CYP2A6: variants seen among roughly 807,000 people sequenced by gnomAD.
CYP2A6 encodes cytochrome P450 family 2 subfamily A member 6.
Under a neutral mutation model 42.3 loss-of-function variants are expected in CYP2A6, and 27 were observed. The ratio of observed to expected loss-of-function variants is 0.64; its 90% CI spans 0.47 to 0.88. The LOEUF (loss-of-function observed/expected upper bound fraction) is 0.88, where lower values mean the gene tolerates loss of function less well. Ranked by LOEUF, CYP2A6 falls within the 40% of genes least tolerant of loss-of-function variation. CYP2A6 has a pLI of 0.00. For missense variants in CYP2A6, 628 were observed against 646.0 expected (o/e 0.97, Z 0.30); for synonymous variants, 238 against 246.3 (o/e 0.97, Z 0.31).
rs138932530 is a variant in CYP2A6 at position 40,845,450 on chromosome 19, G to C, written c.1005C>G (p.Ile335Met). Residue 335 changes from isoleucine (I) to methionine (M), a missense_variant, in exon 7 of 9, where the codon ATC becomes ATG. Transcript: ENST00000301141. ...AKVHEEIDRV[I>M]GKNRQPKFED... Reference sequence around the variant, plus strand: ...CAAACTTGGGCTGCCGGTTCTTGCCGATCACTCTGTCAATCTCCTCATGGA... The same window carrying C: ...CAAACTTGGGCTGCCGGTTCTTGCCCATCACTCTGTCAATCTCCTCATGGA... 6 of 1,611,732 alleles carry C rather than the reference G, an allele frequency of 3.7e-6. No homozygotes were observed. In the South Asian group the frequency reaches 5.5e-5, roughly 15 times the overall value.
At chr19:40,848,007 G>T (rs1465558369) in intron 4 of CYP2A6, among the ~76,000 whole-genome samples, 18 of 151,914 alleles carry the variant, frequency 1.2e-4, no homozygotes, top group East Asian at 6.0e-4. Flanking sequence ...GTTTTGGGGA[G>T]CATCTGTTGA....
chr19:40,849,021 G>GGAGAGA lies in CYP2A6; in HGVS notation c.344-264_344-259dup, dbSNP rs1193510304. ...GAGAGAGAGAGAGAGAAGAGAGAGA[G>GGAGAGA]GAGAGAGAGAGAGAAGAGAGAGAGG... On this transcript the variant is annotated intron_variant, in intron 2 of 8. Coordinates refer to ENST00000301141, the MANE Select transcript of CYP2A6 (RefSeq NM_000762.6). 2.6e-3 allele frequency among the ~76,000 whole-genome samples: 132 copies of GGAGAGA among 50,110 alleles called. 5 individuals carry two copies. Among genetic ancestry groups the GGAGAGA allele is most frequent in the African/African-American group, 0.012 (130 of 11,208 alleles). The allele number at this position is 50,110 out of a possible 152,430, so 32.9% of individuals were successfully genotyped here.
Position 40,845,607 on chromosome 19 carries a change from C to G in CYP2A6, c.974-126G>C. ...TGAGACGGAAGTAGAGCATTCATAA[C>G]AGAACAGACATCAGCCATTCGCATT... On this transcript the variant is annotated intron_variant, in intron 6 of 8. Transcript: ENST00000301141. The G allele has an allele frequency of 2.1e-6, 3 of 1,435,848 alleles. No individual in the cohort carries two copies. The South Asian group carries it at 4.1e-5, about 20-fold the overall frequency. The allele number at this position is 1,435,848 out of a possible 1,614,324, so 88.9% of individuals were successfully genotyped here.
chr19:40,846,747 A>T, intron 5 of CYP2A6, 128 bp downstream of exon 5: 1 of 1,399,910 alleles, frequency 7.1e-7, no homozygotes, highest in Non-Finnish European at 9.5e-7. Context: ...CACGGCACCC[A>T]GCCAATTGTG....
At position 40,845,321 on chromosome 19, in the gene CYP2A6, G is replaced by C. The variant is rs185304177; in HGVS notation, c.1134C>G (p.Thr378=). Residue 378 remains threonine (T), a synonymous_variant, in exon 7 of 9, where the codon ACC becomes ACG. Transcript: ENST00000301141. ...TAGGGAGGAAGAAATCCCGAAACTT[G>C]GTGTCCTTTTTGACTCTGCGGGCCA... ...MSLARRVKKD[T]KFRDFFLPKG... The C allele has an allele frequency of 6.2e-7, 1 of 1,611,584 alleles. No individual in the cohort carries two copies. The highest frequency in any genetic ancestry group is 1.7e-5 in the Admixed American group (1 of 59,966).
chr19:40,850,047 A>T (rs1206385776), intron 1 of CYP2A6, 67 bp from the exon 2 acceptor site: 1 of 1,591,706 alleles, frequency 6.3e-7, no homozygotes, highest in African/African-American at 1.4e-5. Flanking sequence ...CAGCACCGAG[A>T]TGTCATGTGC....
In CYP2A6 at chr19:40,849,983, G is replaced by A. The variant is rs1449600194; in HGVS notation, c.181-3C>T. On this transcript the variant is annotated splice_polypyrimidine_tract_variant and splice_region_variant and intron_variant, in intron 1 of 8. Coordinates refer to ENST00000301141, the MANE Select transcript of CYP2A6 (RefSeq NM_000762.6). ...ACGGGGCCATAGCGCTCACTGATCTGATGGAGGTGGGTGGGAGTGGTTAGA... is the reference window on the plus strand; with the variant it reads ...ACGGGGCCATAGCGCTCACTGATCTAATGGAGGTGGGTGGGAGTGGTTAGA... The A allele has an allele frequency of 1.9e-6, 3 of 1,610,434 alleles. No individual in the cohort carries two copies. Among genetic ancestry groups the A allele is most frequent in the Non-Finnish European group, 8.5e-7 (1 of 1,178,998 alleles).
rs2083450318 is a variant in CYP2A6, at chr19:40,845,295, T to G, written c.1160A>C (p.Lys387Thr). Reference sequence around the variant, plus strand: ...CTGGGGGGTGGGGGCGGATAGCACCTTAGGGAGGAAGAAATCCCGAAACTT... The same window carrying G: ...CTGGGGGGTGGGGGCGGATAGCACCGTAGGGAGGAAGAAATCCCGAAACTT... ...DTKFRDFFLP[K>T]GTEVYPMLGS... Residue 387 changes from lysine to threonine, a missense_variant and splice_region_variant, in exon 7 of 9, where the codon AAG becomes ACG. Coordinates refer to ENST00000301141, the MANE Select transcript of CYP2A6 (RefSeq NM_000762.6). 4 of 1,611,518 alleles carry G rather than the reference T, an allele frequency of 2.5e-6. No homozygotes were observed. Among genetic ancestry groups the G allele is most frequent in the South Asian group, 2.2e-5 (2 of 90,892 alleles).
At chr19:40,848,862 G>T in intron 2 of CYP2A6, 99 bp from the exon 3 acceptor site, 1 of 1,440,488 alleles carries the variant, frequency 6.9e-7, no homozygotes, top group Non-Finnish European at 9.4e-7. Flanking sequence ...GAGAGAGGGA[G>T]TAGGGTGGGA....
At chr19:40,850,170 G>C in intron 1 of CYP2A6, 77 bp downstream of exon 1, 1 of 1,565,614 alleles carries the variant, frequency 6.4e-7, no homozygotes, top group Non-Finnish European at 8.7e-7. Context: ...GTCCACACTG[G>C]TCAACCCCCT....
intron 1 of CYP2A6, 80 bp downstream of exon 1, chr19:40,850,167 C>T: frequency 6.4e-7 from 1 of 1,561,084 alleles, no homozygotes; most frequent in Non-Finnish European, 8.7e-7. Flanking sequence ...CTGGTCCACA[C>T]TGGTCAACCC....
intron 4 of CYP2A6, 107 bp downstream of exon 4, chr19:40,848,112 G>C: frequency 6.4e-7 from 1 of 1,554,540 alleles, no homozygotes; most frequent in South Asian, 1.2e-5. Flanking sequence ...TGATTTTGAG[G>C]GGACACTGTC....
chr19:40,844,568 GGAGGGTGAGGGAGGC>G (rs2083445758), intron 8 of CYP2A6, 48 bp downstream of exon 8: 1 of 1,609,612 alleles, frequency 6.2e-7, no homozygotes, highest in Non-Finnish European at 8.5e-7. Context: ...AGAGAGGGGA[GGAGGGTGAGGGAGGC>G]CCCTGCTGGT....
At position 40,844,784 on chromosome 19, in the gene CYP2A6, G is replaced by T. The variant is rs1406827384; in HGVS notation, c.1162-12C>A. ...TACACTTCGGTGCCCTGGTAGGGAGGAGGAAGTTGTGTGTGATGAGGAGGG... is the reference window on the plus strand; with the variant it reads ...TACACTTCGGTGCCCTGGTAGGGAGTAGGAAGTTGTGTGTGATGAGGAGGG... On this transcript the variant is annotated splice_polypyrimidine_tract_variant and intron_variant, in intron 7 of 8. Coordinates refer to ENST00000301141, the MANE Select transcript of CYP2A6 (RefSeq NM_000762.6). 6.2e-7 allele frequency: 1 copy of T among 1,607,770 alleles called. No homozygotes were observed. The highest frequency in any genetic ancestry group is 1.3e-5 in the African/African-American group (1 of 74,578).
At chr19:40,846,351 TG>T (rs935620232) in intron 5 of CYP2A6, among the ~76,000 whole-genome samples, 1 of 143,946 alleles carries the variant, frequency 6.9e-6, no homozygotes, top group African/African-American at 2.7e-5. Flanking sequence ...AGTTTTTTTT[TG>T]TTTTTTTTTT....
intron 2 of CYP2A6, 145 bp downstream of exon 2, chr19:40,849,673 C>G: frequency 6.9e-7 from 1 of 1,456,528 alleles, no homozygotes; most frequent in Non-Finnish European, 9.2e-7. Flanking sequence ...CATGGAGAGG[C>G]CACAATGAAG....
At chr19:40,846,283 C>T (rs397834694) in intron 5 of CYP2A6, among the ~76,000 whole-genome samples, 186 bp from the exon 6 acceptor site, 5 of 151,402 alleles carry the variant, frequency 3.3e-5, no homozygotes, top group African/African-American at 9.7e-5. Context: ...AAATGCTCTT[C>T]CTTCTCACCT....
Position 40,845,325 on chromosome 19 carries a change from TCC to T in CYP2A6, c.1128_1129del (p.Asp377HisfsTer10). The stretch of plus-strand genomic sequence containing the variant: ...GAGGAAGAAATCCCGAAACTTGGTG[TCC>T]TTTTTGACTCTGCGGGCCAAACTCA... On this transcript the variant is annotated frameshift_variant, in exon 7 of 9. Transcript: ENST00000301141. LOFTEE classifies it high-confidence loss of function. 6.2e-7 allele frequency: 1 copy of T among 1,611,450 alleles called. No individual in the cohort carries two copies. Among genetic ancestry groups the T allele is most frequent in the Non-Finnish European group, 8.5e-7 (1 of 1,179,844 alleles).
At chr19:40,848,553 C>G (rs28399442) in intron 3 of CYP2A6, 61 bp downstream of exon 3, 5 of 1,594,750 alleles carry the variant, frequency 3.1e-6, no homozygotes, top group South Asian at 1.1e-5. Flanking sequence ...AGAACGCGCG[C>G]GGGTTCCTCG....
Sources: gnomAD v4.1 joint callset for allele counts (sites outside exome capture counted in the v4.1 genomes callset) on GRCh38, gnomAD v4.1.1 for gene constraint, MANE v1.5 for transcripts, NCBI Gene and HGNC (gene_info 2026-07-23, HGNC 2026-07-21) for gene names.